Variants in C2CD5 observed in about 807,000 individuals in gnomAD.
The protein encoded by C2CD5 is C2 calcium dependent domain containing 5.
In C2CD5, 109 loss-of-function variants were observed where a neutral mutation model predicts 130.3. The ratio of observed to expected loss-of-function variants is 0.84; its 90% confidence interval spans 0.72 to 0.98. The LOEUF (loss-of-function observed/expected upper bound fraction) is 0.98. Ranked by LOEUF, C2CD5 falls within the 50% of genes least tolerant of loss-of-function variation. The probability of loss-of-function intolerance (pLI) is 0.00; values close to 1 mark genes in which losing one functional copy is unlikely to be tolerated. For synonymous variants in C2CD5, 454 were observed against 429.2 expected (o/e 1.06, Z -0.71); for missense variants, 996 against 1,261.8 (o/e 0.79, Z 3.19).
intron 15 of C2CD5, among the ~76,000 whole-genome samples, chr12:22,475,614 C>A (rs1168338456): frequency 1.3e-5 from 2 of 152,072 alleles, no homozygotes; most frequent in Non-Finnish European, 2.9e-5. Context: ...GCTGATGCAA[C>A]AGAATTGTCT....
intron 14 of C2CD5, 63 bp downstream of exon 14, chr12:22,482,494 A>T: frequency 7.4e-7 from 1 of 1,355,604 alleles, no homozygotes; most frequent in African/African-American, 1.5e-5. Context: ...TTTGAATCAC[A>T]TAACATAGAA....
chr12:22,524,649 C>G, intron 5 of C2CD5, 22 bp from the exon 6 acceptor site: 1 of 1,587,954 alleles, frequency 6.3e-7, no homozygotes, highest in Non-Finnish European at 8.6e-7. Flanking sequence ...AATTATTATG[C>G]TTCTGTTTAT....
intron 8 of C2CD5, among the ~76,000 whole-genome samples, chr12:22,513,981 A>G (rs1268830627): frequency 6.6e-6 from 1 of 152,178 alleles, no homozygotes; most frequent in East Asian, 1.9e-4. Context: ...TTTTAAGTAA[A>G]CAAAAAACCA....
intron 3 of C2CD5, among the ~76,000 whole-genome samples, chr12:22,533,488 C>A (rs1299238924): frequency 6.6e-6 from 1 of 152,108 alleles, no homozygotes; most frequent in African/African-American, 2.4e-5. Flanking sequence ...GGCATGCCGA[C>A]AGACCAAATC....
chr12:22,450,969 G>C (rs751921786), intron 26 of C2CD5, among the ~76,000 whole-genome samples: 1 of 151,810 alleles, frequency 6.6e-6, no homozygotes, highest in Non-Finnish European at 1.5e-5. Context: ...AATATGTACT[G>C]TAAAGCTACC....
At chr12:22,503,684 G>A (rs550278794) in intron 10 of C2CD5, among the ~76,000 whole-genome samples, 1 of 152,130 alleles carries the variant, frequency 6.6e-6, no homozygotes, top group South Asian at 2.1e-4. Flanking sequence ...GATAGTTTTT[G>A]TATTTTTGGT....
chr12:22,449,015 T>C lies in C2CD5; in HGVS notation c.*745A>G, dbSNP rs1937980178. 1 of 152,318 alleles carries C rather than the reference T, an allele frequency of 6.6e-6. No individual in the cohort carries two copies. Among genetic ancestry groups the C allele is most frequent in the South Asian group, 2.1e-4 (1 of 4,828 alleles). The allele number at this position is 152,318 out of a possible 1,614,324, so 9.4% of individuals were successfully genotyped here. Reference sequence around the variant, plus strand: ...ACTACTTTAACAAAATTCACTGACATTTTTATCCCAGTTGAAGTCAAGCCT... The same window carrying C: ...ACTACTTTAACAAAATTCACTGACACTTTTATCCCAGTTGAAGTCAAGCCT... On this transcript the variant is annotated 3_prime_UTR_variant, in exon 27 of 27. Coordinates refer to ENST00000446597, the MANE Select transcript of C2CD5 (RefSeq NM_001286176.2).
At chr12:22,542,709 A>G (rs1301108978) in intron 2 of C2CD5, among the ~76,000 whole-genome samples, 1 of 152,234 alleles carries the variant, frequency 6.6e-6, no homozygotes, top group African/African-American at 2.4e-5. Flanking sequence ...AGTGGTTAAG[A>G]GAACAAACTG....
At chr12:22,512,987 T>A (rs1380324346) in intron 9 of C2CD5, among the ~76,000 whole-genome samples, 1 of 152,070 alleles carries the variant, frequency 6.6e-6, no homozygotes, top group African/African-American at 2.4e-5. Context: ...GCAAAATGTT[T>A]ACCATCTCCT....
intron 10 of C2CD5, chr12:22,497,588 A>T (rs192026857): frequency 1.6e-4 from 150 of 966,666 alleles, no homozygotes; most frequent in South Asian, 7.7e-4. Context: ...CCTGAAAGTA[A>T]CATTCCAACT....
At chr12:22,516,718 A>AC (rs1949757830) in intron 8 of C2CD5, among the ~76,000 whole-genome samples, 1 of 151,578 alleles carries the variant, frequency 6.6e-6, no homozygotes. Context: ...TCTCAAAAAT[A>AC]TTTTTTTAAA....
intron 10 of C2CD5, among the ~76,000 whole-genome samples, chr12:22,505,162 A>T (rs151011363): frequency 0.011 from 1,642 of 152,246 alleles, 33 homozygotes; most frequent in African/African-American, 0.037. Context: ...AAAAAATTTT[A>T]AAAAATAGTA....
At position 22,506,313 on chromosome 12, in the gene C2CD5, T is replaced by C. The variant is rs1435675777; in HGVS notation, c.1147+398A>G. On this transcript the variant is annotated intron_variant, in intron 10 of 26. Coordinates refer to ENST00000446597, the MANE Select transcript of C2CD5 (RefSeq NM_001286176.2). ...CATGCTACTGTGCCCAGCTTTACAATTACATTTTTAAAAATACCTGTTTTA... is the reference window on the plus strand; with the variant it reads ...CATGCTACTGTGCCCAGCTTTACAACTACATTTTTAAAAATACCTGTTTTA... Among the ~76,000 whole-genome samples the C allele has an allele frequency of 4.6e-5, 7 of 152,138 alleles. No individual in the cohort carries two copies. The East Asian group carries it at 1.4e-3, about 29-fold the overall frequency.
rs559420397 is a variant in C2CD5, at chr12:22,544,323, C to A, written c.-33G>T. Reference sequence around the variant, plus strand: ...CGCGCCACGGGTCGCCACTCACTGTCGCAGGAGGAAGGGTGCTGTCCCGCG... The same window carrying A: ...CGCGCCACGGGTCGCCACTCACTGTAGCAGGAGGAAGGGTGCTGTCCCGCG... On this transcript the variant is annotated 5_prime_UTR_variant, in exon 1 of 27. Transcript: ENST00000446597. 7.5e-6 allele frequency: 4 copies of A among 533,002 alleles called. No individual in the cohort carries two copies. The highest frequency in any genetic ancestry group is 1.3e-5 in the Non-Finnish European group (4 of 308,778). The allele number at this position is 533,002 out of a possible 1,614,324, so 33.0% of individuals were successfully genotyped here. A position where few individuals can be genotyped will look rare whatever the true frequency, so the allele number is the denominator to read the frequency against.
rs1437898797 is a variant in C2CD5, at chr12:22,500,954, T to C, written c.1147+5757A>G. The stretch of plus-strand genomic sequence containing the variant: ...GGTATCAACAATTCTTTTCCTAACA[T>C]GGTTAGTTCTTGATTTTCTACATAT... On this transcript the variant is annotated intron_variant, in intron 10 of 26. Transcript: ENST00000446597. Among the ~76,000 whole-genome samples the C allele has an allele frequency of 2.6e-5, 4 of 152,184 alleles. No individual in the cohort carries two copies. In the East Asian group the frequency reaches 7.7e-4, roughly 29 times the overall value.
intron 21 of C2CD5, among the ~76,000 whole-genome samples, chr12:22,470,060 A>G (rs1942773655): frequency 6.6e-6 from 1 of 152,102 alleles, no homozygotes; most frequent in Admixed American, 6.6e-5. Context: ...TTTGCAAATA[A>G]TAAATGCTAG....
intron 11 of C2CD5, among the ~76,000 whole-genome samples, chr12:22,490,512 T>C (rs1946202182): frequency 6.6e-6 from 1 of 151,996 alleles, no homozygotes; most frequent in South Asian, 2.1e-4. Flanking sequence ...GAATGAAATG[T>C]TTCAAAATAT....
intron 12 of C2CD5, among the ~76,000 whole-genome samples, 153 bp downstream of exon 12, chr12:22,489,970 G>T (rs566615468): frequency 6.6e-6 from 1 of 152,112 alleles, no homozygotes; most frequent in East Asian, 1.9e-4. Flanking sequence ...GTTACTACGG[G>T]TTAGTTAAAA....
chr12:22,530,109 TATACACACACAC>T (rs1445407532), intron 3 of C2CD5, among the ~76,000 whole-genome samples: 26 of 106,686 alleles, frequency 2.4e-4, no homozygotes, highest in Non-Finnish European at 3.6e-4. Context: ...TATATATATA[TATACACACACAC>T]ACACACACAC....
Sources: allele counts gnomAD v4.1 joint callset (sites outside exome capture counted in the v4.1 genomes callset), GRCh38; gene constraint gnomAD v4.1.1; transcripts MANE v1.5; gene names NCBI Gene and HGNC (gene_info 2026-07-23, HGNC 2026-07-21).